The following TMEM132B variants were observed in gnomAD, a reference collection of about 807,000 sequenced individuals.
TMEM132B encodes transmembrane protein 132B.
A neutral mutation model predicts 90.8 loss-of-function variants in TMEM132B; 18 were observed. The ratio of observed to expected loss-of-function variants is 0.20; its 90% confidence interval spans 0.14 to 0.29. TMEM132B has a LOEUF of 0.29. Ranked by LOEUF, TMEM132B falls within the 10% of genes least tolerant of loss-of-function variation. TMEM132B has a pLI of 1.00. For synonymous variants in TMEM132B, 504 were observed against 523.3 expected, an observed-to-expected ratio of 0.96 and a Z score of 0.50; for missense variants, 1,096 against 1,326.8, an observed-to-expected ratio of 0.83 and a Z score of 2.70.
intron 1 of TMEM132B, among the ~76,000 whole-genome samples, chr12:125,187,173 C>A (rs1197964644): frequency 1.3e-5 from 2 of 152,220 alleles, no homozygotes; most frequent in Admixed American, 6.5e-5. Flanking sequence ...AATCGAGCCC[C>A]CTCCCCGCCC....
intron 2 of TMEM132B, among the ~76,000 whole-genome samples, chr12:125,405,542 CAA>C (rs1250864621): frequency 6.6e-6 from 1 of 152,096 alleles, no homozygotes; most frequent in Non-Finnish European, 1.5e-5. Flanking sequence ...TGTACTGCAC[CAA>C]GAGTCAATGG....
intron 3 of TMEM132B, among the ~76,000 whole-genome samples, chr12:125,453,894 C>T (rs1411751168): frequency 6.6e-6 from 1 of 152,148 alleles, no homozygotes; most frequent in Non-Finnish European, 1.5e-5. Flanking sequence ...CAGCCAATCA[C>T]GGTGCCTTTT....
intron 3 of TMEM132B, among the ~76,000 whole-genome samples, chr12:125,464,363 T>C (rs1257222113): frequency 2.0e-5 from 3 of 152,106 alleles, no homozygotes; most frequent in Non-Finnish European, 2.9e-5. Context: ...GGGTTGGCAA[T>C]TGGCAGGAAG....
At chr12:125,491,400 G>A (rs1282221048) in intron 3 of TMEM132B, among the ~76,000 whole-genome samples, 1 of 152,094 alleles carries the variant, frequency 6.6e-6, no homozygotes, top group Non-Finnish European at 1.5e-5. Flanking sequence ...TCAAGGTAAA[G>A]ATAAACCCAA....
At chr12:125,514,250 T>A (rs1216516561) in intron 3 of TMEM132B, among the ~76,000 whole-genome samples, 1 of 152,128 alleles carries the variant, frequency 6.6e-6, no homozygotes, top group Admixed American at 6.5e-5. Flanking sequence ...GTCTTTTAAG[T>A]ATGTTCAAAG....
intron 1 of TMEM132B, among the ~76,000 whole-genome samples, chr12:125,283,060 C>T (rs529480472): frequency 6.6e-6 from 1 of 152,286 alleles, no homozygotes; most frequent in Non-Finnish European, 1.5e-5. Flanking sequence ...TCAAAGGCAG[C>T]CCCACTTTAG....
intron 1 of TMEM132B, among the ~76,000 whole-genome samples, chr12:125,331,201 G>A (rs1876760039): frequency 1.3e-5 from 2 of 152,230 alleles, no homozygotes; most frequent in Admixed American, 1.3e-4. Flanking sequence ...CTCAGTCCGG[G>A]CTCCCGGGTC....
chr12:125,599,245 C>T (rs1885514544), intron 5 of TMEM132B, among the ~76,000 whole-genome samples: 1 of 152,190 alleles, frequency 6.6e-6, no homozygotes, highest in Admixed American at 6.5e-5. Flanking sequence ...ACTTCTCTTG[C>T]TTGCTGCCAT....
At chr12:125,454,561 G>C (rs1466092437) in intron 3 of TMEM132B, among the ~76,000 whole-genome samples, 1 of 152,226 alleles carries the variant, frequency 6.6e-6, no homozygotes, top group Non-Finnish European at 1.5e-5. Context: ...TGCAAAGACA[G>C]AGCTGTGATA....
In TMEM132B at chr12:125,627,980, A is replaced by G. The variant is rs555254077; in HGVS notation, c.1438-16096A>G. ...TCTCCAGTTCCATCCATGTTGTTGC[A>G]AATGACAAGAGCTCATTCTTTTTTA... On this transcript the variant is annotated intron_variant, in intron 5 of 8. Coordinates refer to ENST00000682704, the MANE Select transcript of TMEM132B (RefSeq NM_001366854.1). Among the ~76,000 whole-genome samples the G allele has an allele frequency of 3.9e-5, 6 of 152,340 alleles. No homozygotes were observed. The South Asian group carries it at 1.0e-3, about 26-fold the overall frequency.
intron 3 of TMEM132B, among the ~76,000 whole-genome samples, chr12:125,475,205 C>G (rs181830152): frequency 6.6e-6 from 1 of 152,100 alleles, no homozygotes; most frequent in Non-Finnish European, 1.5e-5. Context: ...GTGCCTGACT[C>G]GCAAACAATC....
chr12:125,239,627 C>A (rs1281976180), intron 1 of TMEM132B, among the ~76,000 whole-genome samples: 1 of 152,200 alleles, frequency 6.6e-6, no homozygotes, highest in South Asian at 2.1e-4. Flanking sequence ...GGATGGCATG[C>A]GTCTTCCCTG....
At chr12:125,371,926 C>G (rs1878302456) in intron 2 of TMEM132B, among the ~76,000 whole-genome samples, 1 of 152,156 alleles carries the variant, frequency 6.6e-6, no homozygotes, top group Non-Finnish European at 1.5e-5. Context: ...AAAATATGGC[C>G]TCTATCTCCA....
chr12:125,318,272 C>T (rs1876339686), intron 1 of TMEM132B, among the ~76,000 whole-genome samples: 1 of 151,524 alleles, frequency 6.6e-6, no homozygotes, highest in South Asian at 2.1e-4. Context: ...TGGGGAGGGA[C>T]CACGGAGGAC....
intron 3 of TMEM132B, among the ~76,000 whole-genome samples, chr12:125,424,689 G>A (rs1046701479): frequency 1.3e-5 from 2 of 152,194 alleles, no homozygotes; most frequent in Non-Finnish European, 2.9e-5. Flanking sequence ...CCCCTCAGTG[G>A]TTAGGGAGAA....
intron 2 of TMEM132B, among the ~76,000 whole-genome samples, chr12:125,400,265 G>A (rs1423409107): frequency 1.3e-5 from 2 of 152,218 alleles, no homozygotes; most frequent in African/African-American, 2.4e-5. Flanking sequence ...TTTCTTAGAC[G>A]AGAGATTAAA....
At chr12:125,256,204 C>A (rs143448315) in intron 1 of TMEM132B, among the ~76,000 whole-genome samples, 72 of 152,246 alleles carry the variant, frequency 4.7e-4, no homozygotes, top group African/African-American at 1.6e-3. Flanking sequence ...GACAGCCGTG[C>A]TGGAAAACAG....
chr12:125,331,040 G>A (rs1876751586), intron 1 of TMEM132B, among the ~76,000 whole-genome samples: 2 of 152,248 alleles, frequency 1.3e-5, no homozygotes. Flanking sequence ...CTCTGGAAGA[G>A]GGGAGGGATG....
chr12:125,220,652 C>T (rs568834428), intron 1 of TMEM132B, among the ~76,000 whole-genome samples: 48 of 152,218 alleles, frequency 3.2e-4, no homozygotes, highest in African/African-American at 1.0e-3. Context: ...CTGGTGTTGA[C>T]GCTCTGTGGT....
Sources: gnomAD v4.1 joint callset for allele counts (sites outside exome capture counted in the v4.1 genomes callset) on GRCh38, gnomAD v4.1.1 for gene constraint, MANE v1.5 for transcripts, NCBI Gene and HGNC (gene_info 2026-07-23, HGNC 2026-07-21) for gene names.